The following PARD3 variants were observed in gnomAD, a reference collection of about 807,000 sequenced individuals.
The protein encoded by PARD3 is partitioning defective 3 homolog.
A neutral mutation model predicts 155.4 loss-of-function variants in PARD3; 75 were observed. That is an observed-to-expected ratio of 0.48 (90% CI 0.40 to 0.58). PARD3 has a LOEUF of 0.58. PARD3 is among the 20% of genes least tolerant of loss of function. The pLI is 0.00. For synonymous variants in PARD3, 576 were observed against 610.5 expected, an observed-to-expected ratio of 0.94 and a Z score of 0.83; for missense variants, 1,642 against 1,721.7, an observed-to-expected ratio of 0.95 and a Z score of 0.82.
At position 34,317,175 on chromosome 10, in the gene PARD3, A is replaced by G. The variant is rs764555706; in HGVS notation, c.2997T>C (p.Asp999=). 3 of 1,607,450 alleles carry G rather than the reference A, an allele frequency of 1.9e-6. No homozygotes were observed. Among genetic ancestry groups the G allele is most frequent in the Non-Finnish European group, 2.5e-6 (3 of 1,176,634 alleles). The change falls in exon 20 of 25, where the codon GAT becomes GAC. Residue 999 remains aspartate (D), a synonymous_variant. Transcript: ENST00000374788. ...TCATTTTATCCTTCTCCTTATCTCT[A>G]TCTTTCTTCTTTTCTTTTCCAGTTT... The part of the protein sequence containing the change: ...KDKTGKEKKK[D]RDKEKDKMKA...
chr10:34,489,430 G>A (rs1326785465), intron 3 of PARD3, among the ~76,000 whole-genome samples: 1 of 152,182 alleles, frequency 6.6e-6, no homozygotes, highest in Admixed American at 6.5e-5. Context: ...TTTCTACAGG[G>A]GGAGTATGAC....
At chr10:34,752,111 A>G (rs892389784) in intron 1 of PARD3, among the ~76,000 whole-genome samples, 15 of 152,114 alleles carry the variant, frequency 9.9e-5, no homozygotes, top group Admixed American at 5.9e-4. Context: ...ATTTTCTTAC[A>G]GAATAACAAT....
intron 2 of PARD3, among the ~76,000 whole-genome samples, chr10:34,622,224 C>T (rs1460943578): frequency 6.6e-5 from 10 of 152,130 alleles, no homozygotes; most frequent in Admixed American, 6.6e-4. Context: ...ATTCCAGGAA[C>T]ATAAGTCCAA....
intron 24 of PARD3, among the ~76,000 whole-genome samples, chr10:34,115,719 T>C (rs1006923237): frequency 4.6e-5 from 7 of 151,854 alleles, no homozygotes; most frequent in South Asian, 2.1e-4. Flanking sequence ...TTTCTTTTTT[T>C]TTTTTTTCTT....
intron 4 of PARD3, among the ~76,000 whole-genome samples, chr10:34,456,386 T>C (rs2077342452): frequency 6.6e-6 from 1 of 152,208 alleles, no homozygotes. Context: ...AACCTCCGTC[T>C]CCCTGGTTCA....
intron 3 of PARD3, among the ~76,000 whole-genome samples, chr10:34,509,194 G>T (rs1216882284): frequency 3.3e-5 from 5 of 152,088 alleles, no homozygotes; most frequent in African/African-American, 1.2e-4. Context: ...CAGTTATGTA[G>T]AATATCTAGT....
At chr10:34,391,438 T>C (rs1022878369) in intron 7 of PARD3, among the ~76,000 whole-genome samples, 1 of 152,142 alleles carries the variant, frequency 6.6e-6, no homozygotes, top group African/African-American at 2.4e-5. Context: ...GTTGATTCCA[T>C]ACAGTTTTTG....
chr10:34,561,683 T>A (rs958696518), intron 2 of PARD3, among the ~76,000 whole-genome samples: 1 of 151,910 alleles, frequency 6.6e-6, no homozygotes, highest in Non-Finnish European at 1.5e-5. Flanking sequence ...CATGCCTGGC[T>A]GATCTTGTAT....
chr10:34,341,749 C>T lies in PARD3; in HGVS notation c.2286G>A (p.Arg762=), dbSNP rs1237372733. 1 of 1,612,946 alleles carries T rather than the reference C, an allele frequency of 6.2e-7. No individual in the cohort carries two copies. Among genetic ancestry groups the T allele is most frequent in the Non-Finnish European group, 8.5e-7 (1 of 1,179,114 alleles). The change falls in exon 16 of 25, where the codon AGG becomes AGA. Residue 762 remains arginine (R), a synonymous_variant. Coordinates refer to ENST00000374788, the MANE Select transcript of PARD3 (RefSeq NM_001184785.2). The stretch of plus-strand genomic sequence containing the variant: ...AGAGATGTGGAGGAAGCACTGGCAA[C>T]CTGTCATCTTCTATAATGACAGTGT... ...QDDTVIIEDD[R]LPVLPPHLSD... is the part of the protein sequence containing the mutation.
At chr10:34,177,854 A>C (rs1950105177) in intron 22 of PARD3, among the ~76,000 whole-genome samples, 1 of 152,108 alleles carries the variant, frequency 6.6e-6, no homozygotes, top group Admixed American at 6.5e-5. Context: ...CTTTCCCCTT[A>C]ATCTGCTGCA....
chr10:34,348,471 G>C (rs1464370378), intron 14 of PARD3, among the ~76,000 whole-genome samples: 1 of 152,106 alleles, frequency 6.6e-6, no homozygotes, highest in Non-Finnish European at 1.5e-5. Flanking sequence ...TTCTTTACTA[G>C]ATGTTACTCT....
intron 22 of PARD3, among the ~76,000 whole-genome samples, chr10:34,137,352 A>G (rs928036): frequency 0.27 from 41,274 of 151,924 alleles, 6,034 homozygotes; most frequent in Non-Finnish European, 0.31. Context: ...TGCTGTCAAC[A>G]ATGACGGAAG....
chr10:34,387,766 A>G (rs150203246), intron 7 of PARD3, among the ~76,000 whole-genome samples: 3 of 151,014 alleles, frequency 2.0e-5, no homozygotes, highest in African/African-American at 7.4e-5. Context: ...GAACAGATTT[A>G]TATTCATCTC....
At chr10:34,520,456 C>T (rs368547838) in intron 2 of PARD3, among the ~76,000 whole-genome samples, 3 of 152,208 alleles carry the variant, frequency 2.0e-5, no homozygotes, top group East Asian at 1.9e-4. Flanking sequence ...GAAAGGTATG[C>T]ATACGTATAC....
chr10:34,777,021 T>G (rs1839665248), intron 1 of PARD3, among the ~76,000 whole-genome samples: 1 of 149,124 alleles, frequency 6.7e-6, no homozygotes, highest in South Asian at 2.2e-4. Context: ...TTTTTTTTTT[T>G]TTTGTATCTT....
chr10:34,520,793 G>T (rs886681394), intron 2 of PARD3, among the ~76,000 whole-genome samples: 4 of 152,138 alleles, frequency 2.6e-5, no homozygotes, highest in African/African-American at 9.7e-5. Context: ...CATCTTTCTA[G>T]TAACATGCAA....
chr10:34,728,563 C>T (rs1044307209), intron 1 of PARD3, among the ~76,000 whole-genome samples: 2 of 152,186 alleles, frequency 1.3e-5, no homozygotes, highest in African/African-American at 4.8e-5. Flanking sequence ...AACTGACACA[C>T]TTGTGTTTGT....
chr10:34,687,584 G>C lies in PARD3; in HGVS notation c.222+8734C>G, dbSNP rs981407582. Among the ~76,000 whole-genome samples the C allele has an allele frequency of 2.6e-5, 4 of 152,236 alleles. No homozygotes were observed. In the South Asian group the frequency reaches 8.3e-4, roughly 32 times the overall value. On this transcript the variant is annotated intron_variant, in intron 2 of 24. Transcript: ENST00000374788. The stretch of plus-strand genomic sequence containing the variant: ...CCAAGACTTCCTCCACAAAGGGCAA[G>C]AAACAGATAGTGCAAGGCATCTCAC...
intron 3 of PARD3, among the ~76,000 whole-genome samples, chr10:34,512,704 A>G (rs2081472791): frequency 6.6e-6 from 1 of 152,240 alleles, no homozygotes; most frequent in Admixed American, 6.5e-5. Context: ...TAAAAACTAA[A>G]ACATATCAGG....
Sources: gnomAD v4.1 joint callset for allele counts (sites outside exome capture counted in the v4.1 genomes callset) on GRCh38, gnomAD v4.1.1 for gene constraint, MANE v1.5 for transcripts, NCBI Gene and HGNC (gene_info 2026-07-23, HGNC 2026-07-21) for gene names.